The following XRRA1 variants were observed in gnomAD, a reference collection of about 807,000 sequenced individuals.
XRRA1 encodes the protein X-ray radiation resistance-associated protein 1.
A neutral mutation model predicts 80.2 loss-of-function variants in XRRA1; 69 were observed. The ratio of observed to expected loss-of-function variants is 0.86; its 90% CI spans 0.71 to 1.05. The LOEUF (loss-of-function observed/expected upper bound fraction) is 1.05. XRRA1 is among the 50% of genes least tolerant of loss of function. The pLI is 0.00. For synonymous variants in XRRA1, 348 were observed against 389.9 expected (o/e 0.89, Z 1.27); for missense variants, 967 against 976.4 (o/e 0.99, Z 0.13).
At chr11:74,860,136 C>CATTT (rs1174937797) in intron 11 of XRRA1, among the ~76,000 whole-genome samples, 18 of 152,108 alleles carry the variant, frequency 1.2e-4, no homozygotes, top group Non-Finnish European at 2.9e-5. Flanking sequence ...ATTCAGTGAA[C>CATTT]ATTTGTGGGG....
chr11:74,869,802 C>T lies in XRRA1; in HGVS notation c.1004-6781G>A, dbSNP rs1410636542. Reference sequence around the variant, plus strand: ...CCTCATCAGGCACCTATAAGAGCCCCTGCATTTAACCACAGATCTGACAAG... The same window carrying T: ...CCTCATCAGGCACCTATAAGAGCCCTTGCATTTAACCACAGATCTGACAAG... On this transcript the variant is annotated intron_variant, in intron 10 of 18. Coordinates refer to ENST00000684022, the MANE Select transcript of XRRA1 (RefSeq NM_001378157.1). 2.0e-5 allele frequency among the ~76,000 whole-genome samples: 3 copies of T among 152,200 alleles called. No homozygotes were observed. In the East Asian group the frequency reaches 5.8e-4, roughly 29 times the overall value.
rs1941955172 is a variant in XRRA1, at chr11:74,925,316, T to C, written c.522+2075A>G. Among the ~76,000 whole-genome samples, 3 of 152,218 alleles carry C rather than the reference T, an allele frequency of 2.0e-5. No homozygotes were observed. In the South Asian group the frequency reaches 6.2e-4, roughly 31 times the overall value. On this transcript the variant is annotated intron_variant, in intron 7 of 18. Coordinates refer to ENST00000684022, the MANE Select transcript of XRRA1 (RefSeq NM_001378157.1). ...AATCAAACCATGGCAAAGTTAAGTT[T>C]TTCTAAATTGACTCCTGAAGAATTA...
At chr11:74,919,756 T>A (rs1940070841) in intron 8 of XRRA1, 3 of 454,158 alleles carry the variant, frequency 6.6e-6, no homozygotes, top group Non-Finnish European at 1.3e-5. Context: ...AGGAAGGAGA[T>A]GGGAACTCTA....
chr11:74,897,967 G>A (rs1282941287), intron 10 of XRRA1, among the ~76,000 whole-genome samples: 1 of 152,070 alleles, frequency 6.6e-6, no homozygotes, highest in Non-Finnish European at 1.5e-5. Flanking sequence ...ACACAAAATA[G>A]CATAATTCTG....
chr11:74,930,789 C>G (rs1361172998), intron 5 of XRRA1, among the ~76,000 whole-genome samples: 1 of 152,110 alleles, frequency 6.6e-6, no homozygotes, highest in African/African-American at 2.4e-5. Context: ...TTCCCATACT[C>G]AATAGTTTTT....
intron 10 of XRRA1, among the ~76,000 whole-genome samples, chr11:74,869,622 C>T (rs746888121): frequency 8.5e-5 from 13 of 152,116 alleles, no homozygotes; most frequent in Non-Finnish European, 1.5e-4. Context: ...AGGCAGAGGA[C>T]CTGCCTGCAT....
At position 74,861,167 on chromosome 11, in the gene XRRA1, T is replaced by C. The variant is rs375200761; in HGVS notation, c.1044+1814A>G. Among the ~76,000 whole-genome samples, 32 of 152,336 alleles carry C rather than the reference T, an allele frequency of 2.1e-4. No individual in the cohort carries two copies. In the South Asian group the frequency reaches 6.6e-3, roughly 32 times the overall value. Reference sequence around the variant, plus strand: ...ATGAAAGCTCTCAGACCTCACCTTATATGCCTTTTCATTTGGCTGGTCCTG... The same window carrying C: ...ATGAAAGCTCTCAGACCTCACCTTACATGCCTTTTCATTTGGCTGGTCCTG... On this transcript the variant is annotated intron_variant, in intron 11 of 18. Transcript: ENST00000684022.
At chr11:74,921,813 T>C (rs1398860764) in intron 7 of XRRA1, among the ~76,000 whole-genome samples, 1 of 152,178 alleles carries the variant, frequency 6.6e-6, no homozygotes, top group African/African-American at 2.4e-5. Flanking sequence ...ATCTGGCATA[T>C]GTATATGCCT....
intron 10 of XRRA1, among the ~76,000 whole-genome samples, chr11:74,892,998 C>T (rs1476030280): frequency 1.3e-5 from 2 of 152,116 alleles, no homozygotes; most frequent in East Asian, 1.9e-4. Flanking sequence ...GTCAGTGTGG[C>T]AATTCCTCAG....
rs149415871 is a variant in XRRA1 at position 74,909,607 on chromosome 11, C to T, written c.657-2334G>A. 3.7e-4 allele frequency among the ~76,000 whole-genome samples: 56 copies of T among 152,204 alleles called. 1 individual carries two copies. Among genetic ancestry groups the T allele is most frequent in the Middle Eastern group, 3.4e-3 (1 of 294 alleles). On this transcript the variant is annotated intron_variant, in intron 8 of 18. Coordinates refer to ENST00000684022, the MANE Select transcript of XRRA1 (RefSeq NM_001378157.1). ...CATCTTAAAATAGAGGGGCAGCCAT[C>T]AGATGGGTGAGAAGACAGATGTCTA...
At chr11:74,845,566 C>T (rs948845433) in intron 15 of XRRA1, among the ~76,000 whole-genome samples, 12 of 152,150 alleles carry the variant, frequency 7.9e-5, no homozygotes, top group African/African-American at 2.9e-4. Flanking sequence ...GCCATCCCTA[C>T]GGAGCAATGG....
chr11:74,931,188 CTT>C (rs1483690736), intron 5 of XRRA1, among the ~76,000 whole-genome samples: 1 of 151,906 alleles, frequency 6.6e-6, no homozygotes, highest in South Asian at 2.1e-4. Flanking sequence ...GGTAGTAAAA[CTT>C]TACGTTAAAT....
At chr11:74,936,336 A>G (rs2139721313) in intron 4 of XRRA1, among the ~76,000 whole-genome samples, 1 of 152,336 alleles carries the variant, frequency 6.6e-6, no homozygotes, top group East Asian at 1.9e-4. Flanking sequence ...GCCAGACACT[A>G]AAGTCAAAGG....
intron 7 of XRRA1, among the ~76,000 whole-genome samples, chr11:74,924,177 A>T (rs1941629380): frequency 2.0e-5 from 3 of 151,616 alleles, no homozygotes; most frequent in African/African-American, 7.3e-5. Flanking sequence ...AAAAAATAAA[A>T]AAAAAGAGTA....
chr11:74,920,731 G>T (rs575160146), intron 8 of XRRA1, among the ~76,000 whole-genome samples: 1 of 152,316 alleles, frequency 6.6e-6, no homozygotes, highest in East Asian at 1.9e-4. Context: ...AATAATAGGA[G>T]ACCTACCTCA....
At chr11:74,890,142 C>T (rs1000172663) in intron 10 of XRRA1, among the ~76,000 whole-genome samples, 1 of 152,090 alleles carries the variant, frequency 6.6e-6, no homozygotes, top group Non-Finnish European at 1.5e-5. Flanking sequence ...ATTGACCACA[C>T]AGTTGGAAGT....
intron 2 of XRRA1, among the ~76,000 whole-genome samples, chr11:74,941,213 T>G (rs1946274707): frequency 6.6e-6 from 1 of 152,194 alleles, no homozygotes; most frequent in Non-Finnish European, 1.5e-5. Flanking sequence ...TCCTCTGAAC[T>G]TCAGTTTCCT....
At chr11:74,884,132 C>G (rs2048432368) in intron 10 of XRRA1, among the ~76,000 whole-genome samples, 1 of 152,062 alleles carries the variant, frequency 6.6e-6, no homozygotes, top group African/African-American at 2.4e-5. Context: ...CCACTGCACT[C>G]CATCCTGGGT....
At chr11:74,860,276 C>T (rs1295504208) in intron 11 of XRRA1, among the ~76,000 whole-genome samples, 1 of 152,190 alleles carries the variant, frequency 6.6e-6, no homozygotes, top group Non-Finnish European at 1.5e-5. Context: ...GATGACTCGC[C>T]TCTCCCAGTG....
Sources: gnomAD v4.1 joint callset for allele counts (sites outside exome capture counted in the v4.1 genomes callset) on GRCh38, gnomAD v4.1.1 for gene constraint, MANE v1.5 for transcripts, NCBI Gene and HGNC (gene_info 2026-07-23, HGNC 2026-07-21) for gene names.